The following HTRA1 variants were observed in gnomAD, a reference collection of about 807,000 sequenced individuals.
The protein encoded by HTRA1 is HtrA serine peptidase 1, also known as serine protease HTRA1.
In HTRA1, 26 loss-of-function variants were observed where a neutral mutation model predicts 49.7. That is an observed-to-expected ratio of 0.52 (90% CI 0.38 to 0.73). HTRA1 has a LOEUF of 0.73. Among genes scored for constraint, HTRA1 ranks in the 30% least tolerant of loss-of-function variants. The pLI is 0.00. For synonymous variants in HTRA1, 291 were observed against 286.9 expected (o/e 1.01, Z -0.14); for missense variants, 561 against 667.2 (o/e 0.84, Z 1.75).
intron 3 of HTRA1, among the ~76,000 whole-genome samples, chr10:122,493,917 C>A (rs535462667): frequency 6.6e-6 from 1 of 151,682 alleles, no homozygotes; most frequent in East Asian, 2.0e-4. Flanking sequence ...CAGGCCAGGG[C>A]TGTCCCCTGG....
At chr10:122,488,849 A>C in intron 1 of HTRA1, 53 bp from the exon 2 acceptor site, 2 of 1,362,612 alleles carry the variant, frequency 1.5e-6, no homozygotes, top group Non-Finnish European at 1.1e-6. Flanking sequence ...GTCTTTCTCT[A>C]GGTGGCCACA....
chr10:122,512,302 C>T (rs1164002107), intron 8 of HTRA1, among the ~76,000 whole-genome samples: 1 of 152,106 alleles, frequency 6.6e-6, no homozygotes, highest in Non-Finnish European at 1.5e-5. Context: ...CGAGGACCCT[C>T]CAGATGGACA....
chr10:122,475,235 C>T (rs986337971), intron 1 of HTRA1, among the ~76,000 whole-genome samples: 6 of 152,204 alleles, frequency 3.9e-5, no homozygotes, highest in African/African-American at 1.4e-4. Context: ...CTCAAGGCAC[C>T]CGGGACATGC....
Position 122,514,860 on chromosome 10 carries a change from A to G in HTRA1, c.*501A>G, listed in dbSNP as rs578105676. The G allele has an allele frequency of 1.0e-4, 20 of 196,488 alleles. No homozygotes were observed. In the East Asian group the frequency reaches 2.0e-3, roughly 20 times the overall value. 12.2% of individuals were successfully genotyped at this position (196,488 alleles called of 1,614,324 possible). The stretch of plus-strand genomic sequence containing the variant: ...TTTTAGGAATCTCTTTGGAATTGGG[A>G]GCACGATGACTCTGAGTTTGAGCTA... On this transcript the variant is annotated 3_prime_UTR_variant, in exon 9 of 9. Transcript: ENST00000368984.
intron 1 of HTRA1, among the ~76,000 whole-genome samples, chr10:122,477,188 C>T (rs544794846): frequency 5.9e-5 from 9 of 152,088 alleles, no homozygotes; most frequent in East Asian, 1.9e-4. Flanking sequence ...AGGACGGTCT[C>T]GATCTCCTGA....
At chr10:122,498,566 G>A (rs1359885580) in intron 3 of HTRA1, among the ~76,000 whole-genome samples, 1 of 152,060 alleles carries the variant, frequency 6.6e-6, no homozygotes. Context: ...AACCCTGAAC[G>A]GAAGGGTTCT....
chr10:122,464,644 T>G lies in HTRA1; in HGVS notation c.472+2520T>G, dbSNP rs1387539153. 6.6e-6 allele frequency among the ~76,000 whole-genome samples: 1 copy of G among 152,210 alleles called. No individual in the cohort carries two copies. Among genetic ancestry groups the G allele is most frequent in the Non-Finnish European group, 1.5e-5 (1 of 68,032 alleles). On this transcript the variant is annotated intron_variant, in intron 1 of 8. Transcript: ENST00000368984. This position sits in a 1 kb window ranked among gnomAD's most constrained non-coding sequence, Gnocchi z 4.8. The stretch of plus-strand genomic sequence containing the variant: ...GCACTGCTTTGCTGCGCCCCCTCTC[T>G]GGATCTCACACTCCACCCTTGACTT...
rs1591023720 is a variant in HTRA1, at chr10:122,466,030, C to A, written c.472+3906C>A. ...CTGCAGGGGTGCCCAGAAACTCCAC[C>A]CCTGGAGGTTTTTAGGATCGCCTGC... is the stretch of plus-strand genomic sequence containing the variant. On this transcript the variant is annotated intron_variant, in intron 1 of 8. Transcript: ENST00000368984. 2.0e-5 allele frequency among the ~76,000 whole-genome samples: 3 copies of A among 152,126 alleles called. No individual in the cohort carries two copies. In the East Asian group the frequency reaches 5.8e-4, roughly 29 times the overall value.
intron 1 of HTRA1, among the ~76,000 whole-genome samples, chr10:122,477,930 A>T (rs557927802): frequency 6.6e-6 from 1 of 152,298 alleles, no homozygotes; most frequent in East Asian, 1.9e-4. Context: ...TGGCAGAAGG[A>T]AGGGAGGCTG....
chr10:122,493,800 G>A (rs1356244977), intron 3 of HTRA1, among the ~76,000 whole-genome samples: 1 of 151,988 alleles, frequency 6.6e-6, no homozygotes, highest in African/African-American at 2.4e-5. Flanking sequence ...GGCCCCACCT[G>A]ATTGGGCACC....
At chr10:122,483,803 A>G (rs1305016025) in intron 1 of HTRA1, among the ~76,000 whole-genome samples, 1 of 152,162 alleles carries the variant, frequency 6.6e-6, no homozygotes, top group Non-Finnish European at 1.5e-5. Context: ...CTTGTTAAAT[A>G]TTTCCCTAAT....
At chr10:122,475,995 G>C (rs1267224079) in intron 1 of HTRA1, among the ~76,000 whole-genome samples, 1 of 152,170 alleles carries the variant, frequency 6.6e-6, no homozygotes, top group Non-Finnish European at 1.5e-5. Context: ...AGTGTTGTGG[G>C]GCAGCTTTGC....
rs531464172 is a variant in HTRA1, at chr10:122,489,095, A to G, written c.572+94A>G. The G allele has an allele frequency of 2.0e-5, 18 of 884,442 alleles. No individual in the cohort carries two copies. The East Asian group carries it at 4.4e-4, about 22-fold the overall frequency. 54.8% of individuals were successfully genotyped at this position (884,442 alleles called of 1,614,324 possible). On this transcript the variant is annotated intron_variant, in intron 2 of 8. Transcript: ENST00000368984. ...ATTTTTGAGATACATTAAAGTGTCA[A>G]AGTGTCACTGAATATCTTCCTACTT...
At chr10:122,493,794 C>G (rs2097497057) in intron 3 of HTRA1, among the ~76,000 whole-genome samples, 1 of 152,080 alleles carries the variant, frequency 6.6e-6, no homozygotes, top group African/African-American at 2.4e-5. Flanking sequence ...CTTGAGGGCC[C>G]CACCTGATTG....
intron 5 of HTRA1, 54 bp downstream of exon 5, chr10:122,507,456 G>GTTTT: frequency 7.5e-7 from 1 of 1,335,880 alleles, no homozygotes; most frequent in South Asian, 1.2e-5. Flanking sequence ...TGTATACGCT[G>GTTTT]TTTTTTGTTT....
chr10:122,470,657 T>C (rs1347419403), intron 1 of HTRA1, among the ~76,000 whole-genome samples: 1 of 151,942 alleles, frequency 6.6e-6, no homozygotes, highest in Non-Finnish European at 1.5e-5. Flanking sequence ...CCTAAAGCAC[T>C]GAAGTCCAAT....
At chr10:122,508,974 A>G (rs1329414701) in intron 6 of HTRA1, among the ~76,000 whole-genome samples, 1 of 152,216 alleles carries the variant, frequency 6.6e-6, no homozygotes, top group Non-Finnish European at 1.5e-5. Context: ...GATCATGGCA[A>G]TGTCACTTGA....
chr10:122,503,780 T>A (rs2097501889), intron 3 of HTRA1, among the ~76,000 whole-genome samples: 2 of 152,134 alleles, frequency 1.3e-5, no homozygotes, highest in South Asian at 2.1e-4. Context: ...GTGAGACCCC[T>A]CCCCACTCCG....
At chr10:122,474,751 G>A (rs1442162883) in intron 1 of HTRA1, among the ~76,000 whole-genome samples, 1 of 151,858 alleles carries the variant, frequency 6.6e-6, no homozygotes, top group African/African-American at 2.4e-5. Flanking sequence ...GCATTCAGGA[G>A]GCATCTGAAA....
Sources: gnomAD v4.1 joint callset for allele counts (sites outside exome capture counted in the v4.1 genomes callset) on GRCh38, gnomAD v4.1.1 for gene constraint, Gnocchi (gnomAD v3.1) non-coding constraint, MANE v1.5 for transcripts, NCBI Gene and HGNC (gene_info 2026-07-23, HGNC 2026-07-21) for gene names.